PFKM: variants seen among roughly 807,000 people sequenced by gnomAD.
The protein encoded by PFKM is phosphofructokinase, muscle, also known as ATP-dependent 6-phosphofructokinase, muscle type.
Under a neutral mutation model 95.5 loss-of-function variants are expected in PFKM, and 58 were observed. That is an observed-to-expected ratio of 0.61 (90% CI 0.49 to 0.76). PFKM has a LOEUF of 0.76. PFKM is among the 30% of genes least tolerant of loss of function. The pLI is 0.00. For synonymous variants in PFKM, 336 were observed against 357.2 expected (o/e 0.94, Z 0.67); for missense variants, 678 against 1,005.4 (o/e 0.67, Z 4.40).
At chr12:48,141,169 T>TG (rs1291741222) in intron 14 of PFKM, 142 bp from the exon 15 acceptor site, 2 of 802,476 alleles carry the variant, frequency 2.5e-6, no homozygotes, top group African/African-American at 1.7e-5. Context: ...GTTGAGTGCG[T>TG]GGGGAAAAGC....
At chr12:48,120,243 A>G (rs1948116515) in intron 1 of PFKM, among the ~76,000 whole-genome samples, 1 of 152,166 alleles carries the variant, frequency 6.6e-6, no homozygotes, top group Admixed American at 6.5e-5. Flanking sequence ...GTTTGTCACT[A>G]TATGATTTCT....
In PFKM at chr12:48,131,305, G is replaced by C. The variant is rs770427697; in HGVS notation, c.160-11G>C. 14 of 1,591,004 alleles carry C rather than the reference G, an allele frequency of 8.8e-6. No individual in the cohort carries two copies. In the Admixed American group the frequency reaches 2.3e-4, roughly 27 times the overall value. On this transcript the variant is annotated splice_polypyrimidine_tract_variant and intron_variant, in intron 3 of 22. Coordinates refer to ENST00000359794, the MANE Select transcript of PFKM (RefSeq NM_000289.6). ...GCCTAACGGGCTGAACAGGTATAAT[G>C]TGTCACACAGGGTTATCAAGGCCTG...
At position 48,108,071 on chromosome 12, in the gene PFKM, G is replaced by A; in HGVS notation, c.83-1G>A. On this transcript the variant is annotated splice_acceptor_variant, in intron 2 of 24. Transcript: ENST00000340802. LOFTEE classifies it high-confidence loss of function. ...GGTGACCTAAAGCTATTGTTTCTCA[G>A]CTGGGGAAGCTTCTACTTCCAGCAT... 2 of 1,599,302 alleles carry A rather than the reference G, an allele frequency of 1.3e-6. No individual in the cohort carries two copies. Among genetic ancestry groups the A allele is most frequent in the Non-Finnish European group, 8.5e-7 (1 of 1,179,688 alleles).
At chr12:48,108,000 A>T in intron 2 of PFKM, 1 of 1,517,776 alleles carries the variant, frequency 6.6e-7, no homozygotes, top group South Asian at 1.2e-5. Context: ...CATAGGGAAA[A>T]TGAAAGGGAG....
At chr12:48,140,138 T>C (rs1950451109) in intron 13 of PFKM, among the ~76,000 whole-genome samples, 2 of 152,150 alleles carry the variant, frequency 1.3e-5, no homozygotes, top group South Asian at 2.1e-4. Flanking sequence ...ACAAGACCCA[T>C]GCCCACTTCA....
intron 18 of PFKM, 61 bp from the exon 19 acceptor site, chr12:48,143,692 T>C: frequency 8.3e-7 from 1 of 1,208,388 alleles, no homozygotes; most frequent in Non-Finnish European, 1.2e-6. Context: ...GTGTGGAAGA[T>C]GATTTATACC....
chr12:48,120,211 G>C (rs750465984), intron 1 of PFKM, among the ~76,000 whole-genome samples: 4 of 152,056 alleles, frequency 2.6e-5, no homozygotes, highest in Non-Finnish European at 4.4e-5. Flanking sequence ...CTAGTCACGC[G>C]TGTCTCTATG....
intron 1 of PFKM, chr12:48,106,280 G>C (rs1266836479): frequency 3.4e-6 from 2 of 596,332 alleles, no homozygotes; most frequent in African/African-American, 3.7e-5. Flanking sequence ...TTTTCAGTCT[G>C]GGCTTTTTCG....
At chr12:48,115,937 T>C (rs1385092151), upstream of PFKM, among the ~76,000 whole-genome samples, 1 of 152,182 alleles carries the variant, frequency 6.6e-6, no homozygotes, top group Non-Finnish European at 1.5e-5. Context: ...GTTTTCATTT[T>C]TCGTAGGTAT....
At chr12:48,142,470 C>T (rs1250968001) in intron 17 of PFKM, 2 of 446,572 alleles carry the variant, frequency 4.5e-6, no homozygotes, top group South Asian at 2.1e-5. Context: ...GTTCAGTTTC[C>T]TCACCTAGAA....
rs1947969506 is a variant in PFKM at position 48,119,461 on chromosome 12, A to T, written c.-9+55A>T. On this transcript the variant is annotated intron_variant, in intron 1 of 22. Transcript: ENST00000359794. Reference sequence around the variant, plus strand: ...GGGGAGAGCTGGGAGTGAGGTGGGAAGGTATGGGCCGGGAGCAGGCGGTAG... The same window carrying T: ...GGGGAGAGCTGGGAGTGAGGTGGGATGGTATGGGCCGGGAGCAGGCGGTAG... The T allele has an allele frequency of 8.3e-6, 8 of 963,716 alleles. No homozygotes were observed. In the South Asian group the frequency reaches 3.8e-4, roughly 46 times the overall value. The allele number at this position is 963,716 out of a possible 1,614,324, so 59.7% of individuals were successfully genotyped here.
Position 48,142,024 on chromosome 12 carries a change from C to T in PFKM, c.1611C>T (p.Asp537=), listed in dbSNP as rs764961084. 86 of 1,614,066 alleles carry T rather than the reference C, an allele frequency of 5.3e-5. No homozygotes were observed. The Admixed American group carries it at 1.1e-3, about 21-fold the overall frequency. The change falls in exon 17 of 23, where the codon GAC becomes GAT. Residue 537 remains aspartate, a synonymous_variant. Coordinates refer to ENST00000359794, the MANE Select transcript of PFKM (RefSeq NM_000289.6). ...TCTCCAACAATGTCCCTGGCTCAGA[C>T]TTCAGCGTTGGGGCTGACACAGCAC... ...ATVSNNVPGS[D]FSVGADTALN...
intron 2 of PFKM, among the ~76,000 whole-genome samples, chr12:48,129,273 C>G (rs1949197803): frequency 1.8e-5 from 2 of 110,282 alleles, no homozygotes; most frequent in Non-Finnish European, 3.3e-5. Flanking sequence ...GTTGCCCAGG[C>G]TGGTCTCAAA....
At chr12:48,131,670 T>C (rs534250298) in intron 4 of PFKM, 1 of 471,180 alleles carries the variant, frequency 2.1e-6, no homozygotes, top group Non-Finnish European at 3.9e-6. Context: ...TAAGCAGATC[T>C]TACTCTAGGG....
At chr12:48,138,477 C>G (rs1359081270) in intron 11 of PFKM, among the ~76,000 whole-genome samples, 4 of 152,214 alleles carry the variant, frequency 2.6e-5, no homozygotes, top group African/African-American at 9.6e-5. Context: ...TAAATACTCC[C>G]CATCTCCCGG....
intron 2 of PFKM, among the ~76,000 whole-genome samples, chr12:48,125,719 A>C (rs1948770085): frequency 6.6e-6 from 1 of 151,666 alleles, no homozygotes; most frequent in Admixed American, 6.6e-5. Flanking sequence ...TCAGCCTCTC[A>C]AGTAGCTGAG....
At chr12:48,130,474 GTCT>G in intron 3 of PFKM, 38 bp downstream of exon 3, 1 of 1,467,368 alleles carries the variant, frequency 6.8e-7, no homozygotes, top group African/African-American at 1.4e-5. Context: ...TTCTTTCTCT[GTCT>G]TCTTCTAAAT....
chr12:48,130,549 T>C, intron 3 of PFKM, 113 bp downstream of exon 3: 1 of 861,244 alleles, frequency 1.2e-6, no homozygotes, highest in Non-Finnish European at 2.0e-6. Flanking sequence ...CATTGCTGTG[T>C]TTGATTTTCC....
intron 1 of PFKM, chr12:48,106,387 C>T (rs968273074): frequency 1.1e-5 from 5 of 466,234 alleles, no homozygotes; most frequent in Non-Finnish European, 1.9e-5. Flanking sequence ...TTCCGCCCGG[C>T]GAGTTTTGCT....
Sources: gnomAD v4.1 joint callset for allele counts (sites outside exome capture counted in the v4.1 genomes callset) on GRCh38, gnomAD v4.1.1 for gene constraint, MANE v1.5 for transcripts, NCBI Gene and HGNC (gene_info 2026-07-23, HGNC 2026-07-21) for gene names.